Variants in GRIP2 observed in about 807,000 individuals in gnomAD.
GRIP2 encodes glutamate receptor interacting protein 2.
GRIP2 carries 58 observed loss-of-function variants against 108.3 expected under a neutral mutation model. The ratio of observed to expected loss-of-function variants is 0.54; its 90% CI spans 0.43 to 0.67. The LOEUF is 0.67. Among genes scored for constraint, GRIP2 ranks in the 30% least tolerant of loss-of-function variants. The pLI is 0.00. For synonymous variants in GRIP2, 586 were observed against 598.2 expected (o/e 0.98, Z 0.30); for missense variants, 1,278 against 1,430.6 (o/e 0.89, Z 1.72).
rs1386433226 is a variant in GRIP2 at position 14,506,844 on chromosome 3, C to A, written c.2355G>T (p.Glu785Asp). The part of the protein sequence containing the change: ...PAVPSVDSAV[E>D]SWDSSATEGG... ...CCTCGGTGGCCGAGCTGTCCCAAGACTCCACAGCACTGTCCACACTGGGCA... is the reference window on the plus strand; with the variant it reads ...CCTCGGTGGCCGAGCTGTCCCAAGAATCCACAGCACTGTCCACACTGGGCA... Residue 785 changes from glutamate to aspartate, a missense_variant, in exon 19 of 24, where the codon GAG (glutamate) becomes GAT (aspartate). Glu to Asp is a conservative substitution (Grantham distance 45). Coordinates refer to ENST00000621039, the MANE Select transcript of GRIP2 (RefSeq NM_001080423.4). 1 of 1,606,944 alleles carries A rather than the reference C, an allele frequency of 6.2e-7. No homozygotes were observed. Among genetic ancestry groups the A allele is most frequent in the Non-Finnish European group, 8.5e-7 (1 of 1,176,898 alleles).
In GRIP2 at chr3:14,540,332, CCCA is replaced by C. The variant is rs1468735535; in HGVS notation, c.-27_-25del. On this transcript the variant is annotated 5_prime_UTR_variant, in exon 1 of 24. Coordinates refer to ENST00000621039, the MANE Select transcript of GRIP2 (RefSeq NM_001080423.4). The surrounding 1 kb of genome is among the most constrained non-coding windows in gnomAD (Gnocchi z 4.1). ...ATGTTCGCTATTGTCTCCCCTGCTG[CCCA>C]CCAACTCCCTCGGGAGCCACGCTGC... is the stretch of plus-strand genomic sequence containing the variant. 3.1e-6 allele frequency: 5 copies of C among 1,613,300 alleles called. No individual in the cohort carries two copies. The highest frequency in any genetic ancestry group is 4.2e-6 in the Non-Finnish European group (5 of 1,179,634).
At chr3:14,515,000 T>C (rs1694210420) in intron 11 of GRIP2, among the ~76,000 whole-genome samples, 1 of 152,196 alleles carries the variant, frequency 6.6e-6, no homozygotes, top group South Asian at 2.1e-4. Context: ...CCCAAAGATC[T>C]TCCTATGTCC....
chr3:14,504,283 T>A (rs2124861136), intron 20 of GRIP2, among the ~76,000 whole-genome samples: 1 of 151,990 alleles, frequency 6.6e-6, no homozygotes, highest in Non-Finnish European at 1.5e-5. Flanking sequence ...TTACAAGGCA[T>A]GCTGTGATTT....
At chr3:14,530,635 ATTGT>A (rs1694685694) in intron 1 of GRIP2, among the ~76,000 whole-genome samples, 2 of 152,150 alleles carry the variant, frequency 1.3e-5, no homozygotes, top group African/African-American at 2.4e-5. Context: ...CAGAAATTGG[ATTGT>A]TTTTCAAATT....
chr3:14,546,750 C>T (rs181835654), upstream of GRIP2, among the ~76,000 whole-genome samples: 6 of 152,290 alleles, frequency 3.9e-5, no homozygotes, highest in Admixed American at 3.9e-4. Context: ...ACAGAAACAG[C>T]GAGCTCCCAC....
chr3:14,529,700 C>T (rs189629621), intron 1 of GRIP2, among the ~76,000 whole-genome samples: 7 of 152,186 alleles, frequency 4.6e-5, no homozygotes, highest in African/African-American at 1.7e-4. Context: ...TGAACATTCA[C>T]CTATTATTTT....
At chr3:14,558,744 C>T, upstream of GRIP2, among the ~76,000 whole-genome samples, 1 of 152,108 alleles carries the variant, frequency 6.6e-6, no homozygotes, top group Non-Finnish European at 1.5e-5. Flanking sequence ...TCTCTGTCCC[C>T]TACACACCCA....
chr3:14,503,976 A>C, intron 20 of GRIP2: 1 of 393,412 alleles, frequency 2.5e-6, no homozygotes, highest in Non-Finnish European at 4.7e-6. Flanking sequence ...ACAGAGGACA[A>C]ACAGACGAAC....
At chr3:14,600,024 T>C in the GRIP2 span, among the ~76,000 whole-genome samples, 55 of 152,292 alleles carry the variant, frequency 3.6e-4, no homozygotes, top group East Asian at 3.1e-3. Context: ...ACATGTGCTA[T>C]GTAAGTCTGT....
chr3:14,489,806 C>G lies in GRIP2; in HGVS notation c.*3859G>C, dbSNP rs1181054702. 2 of 152,188 alleles carry G rather than the reference C, an allele frequency of 1.3e-5. No individual in the cohort carries two copies. Among genetic ancestry groups the G allele is most frequent in the East Asian group, 3.9e-4 (2 of 5,188 alleles). The allele number at this position is 152,188 out of a possible 1,614,324, so 9.4% of individuals were successfully genotyped here. ...GCTGACCTGCCAGAAGGGCAGAAAGCGGGTGGCGGAGTGGGGGAAAGGGTA... is the reference window on the plus strand; with the variant it reads ...GCTGACCTGCCAGAAGGGCAGAAAGGGGGTGGCGGAGTGGGGGAAAGGGTA... On this transcript the variant is annotated 3_prime_UTR_variant, in exon 24 of 24. Transcript: ENST00000621039.
In GRIP2 at chr3:14,534,593, G is replaced by A. The variant is rs1329953326; in HGVS notation, c.40+5676C>T. Among the ~76,000 whole-genome samples, 4 of 151,304 alleles carry A rather than the reference G, an allele frequency of 2.6e-5. No individual in the cohort carries two copies. In the East Asian group the frequency reaches 5.8e-4, roughly 22 times the overall value. Reference sequence around the variant, plus strand: ...TATGAGCTTTTGCCTTCAGTCAATCGTCCTGTAGGAACTCGCTTCAGAGGA... The same window carrying A: ...TATGAGCTTTTGCCTTCAGTCAATCATCCTGTAGGAACTCGCTTCAGAGGA... On this transcript the variant is annotated intron_variant, in intron 1 of 23. Transcript: ENST00000621039.
In GRIP2 at chr3:14,491,190, T is replaced by A. The variant is rs1190256964; in HGVS notation, c.*2475A>T. On this transcript the variant is annotated 3_prime_UTR_variant, in exon 24 of 24. Transcript: ENST00000621039. ...TAGGTGGATTTAAATAATTTTATTT[T>A]AAAAAATCATCCCCATGGCACCTAC... The A allele has an allele frequency of 6.6e-6, 1 of 152,132 alleles. No individual in the cohort carries two copies. The highest frequency in any genetic ancestry group is 1.9e-4 in the East Asian group (1 of 5,194). 9.4% of individuals were successfully genotyped at this position (152,132 alleles called of 1,614,324 possible).
At chr3:14,577,053 T>C in the GRIP2 span, among the ~76,000 whole-genome samples, 1 of 152,270 alleles carries the variant, frequency 6.6e-6, no homozygotes, top group South Asian at 2.1e-4. Flanking sequence ...CTTCTACCAC[T>C]GTGGAGTTCC....
At chr3:14,514,554 G>A in intron 11 of GRIP2, 76 bp from the exon 12 acceptor site, 1 of 1,426,690 alleles carries the variant, frequency 7.0e-7, no homozygotes, top group Non-Finnish European at 9.3e-7. Flanking sequence ...CCCATCCCGG[G>A]GCCCTAGGCA....
At chr3:14,494,454 C>T (rs1693519092) in intron 23 of GRIP2, among the ~76,000 whole-genome samples, 1 of 152,228 alleles carries the variant, frequency 6.6e-6, no homozygotes, top group South Asian at 2.1e-4. Context: ...GGGGTTTGGT[C>T]CATCGGCTGT....
intron 1 of GRIP2, among the ~76,000 whole-genome samples, chr3:14,538,078 G>A (rs890568044): frequency 2.0e-5 from 3 of 152,146 alleles, no homozygotes; most frequent in African/African-American, 7.2e-5. Context: ...CCAGGGTGTG[G>A]GGCCTGAGAA....
In GRIP2 at chr3:14,511,372, T is replaced by G; in HGVS notation, c.1787+41A>C. On this transcript the variant is annotated intron_variant, in intron 15 of 23. Transcript: ENST00000621039. The surrounding 1 kb of genome is among the most constrained non-coding windows in gnomAD (Gnocchi z 4.1). ...TGGTGCATGCAGGTGCCATACTCAC[T>G]GCTGTTGGCCACTTCCCTTCCTGTG... 1.9e-6 allele frequency: 3 copies of G among 1,613,988 alleles called. No individual in the cohort carries two copies. The highest frequency in any genetic ancestry group is 2.5e-6 in the Non-Finnish European group (3 of 1,179,858).
the GRIP2 span, among the ~76,000 whole-genome samples, chr3:14,567,691 GC>G: frequency 1.1e-4 from 16 of 152,170 alleles, no homozygotes; most frequent in Non-Finnish European, 2.2e-4. Context: ...TTATTCCCAG[GC>G]CCAAAGCATT....
chr3:14,571,510 G>A, the GRIP2 span, among the ~76,000 whole-genome samples: 3 of 151,522 alleles, frequency 2.0e-5, no homozygotes, highest in African/African-American at 4.9e-5. Context: ...CCAAGACACC[G>A]GGGCACAGAC....
Sources: gnomAD v4.1 joint callset for allele counts (sites outside exome capture counted in the v4.1 genomes callset) on GRCh38, gnomAD v4.1.1 for gene constraint, Gnocchi (gnomAD v3.1) non-coding constraint, MANE v1.5 for transcripts, NCBI Gene and HGNC (gene_info 2026-07-23, HGNC 2026-07-21) for gene names.